ALDH3A1: variants seen among roughly 807,000 people sequenced by gnomAD.
ALDH3A1 encodes the protein aldehyde dehydrogenase 3 family member A1.
In ALDH3A1, 46 loss-of-function variants were observed where a neutral mutation model predicts 49.9. The observed-to-expected ratio is 0.92, with a 90% confidence interval of 0.73 to 1.18. The LOEUF (loss-of-function observed/expected upper bound fraction) is 1.18. Ranked by LOEUF, ALDH3A1 falls within the 50% of genes most tolerant of loss-of-function variation. The probability of loss-of-function intolerance (pLI) is 0.00; values close to 1 mark genes in which losing one functional copy is unlikely to be tolerated. For synonymous variants in ALDH3A1, 269 were observed against 253.3 expected, an observed-to-expected ratio of 1.06 and a Z score of -0.59; for missense variants, 592 against 611.8, an observed-to-expected ratio of 0.97 and a Z score of 0.34.
chr17:19,742,815 G>T, intron 3 of ALDH3A1, 185 bp from the exon 4 acceptor site: 2 of 1,534,544 alleles, frequency 1.3e-6, no homozygotes, highest in Non-Finnish European at 1.7e-6. Flanking sequence ...ATGACAGAGG[G>T]ACACACACGG....
chr17:19,743,302 G>A lies in ALDH3A1; in HGVS notation c.324C>T (p.Val108=). The A allele has an allele frequency of 6.2e-7, 1 of 1,614,154 alleles. No individual in the cohort carries two copies. The highest frequency in any genetic ancestry group is 8.5e-7 in the Non-Finnish European group (1 of 1,180,028). Residue 108 remains valine (V), a synonymous_variant, in exon 3 of 11, where the codon GTC becomes GTT. Transcript: ENST00000225740. The surrounding 1 kb of genome is among the most constrained non-coding windows in gnomAD (Gnocchi z 4.4). ...LYIHSEPLGV[V]LVIGTWNYPF... Reference sequence around the variant, plus strand: ...GGTAGTTCCAGGTGCCAATGACGAGGACCACGCCCAGTGGCTCCGAGTGGA... The same window carrying A: ...GGTAGTTCCAGGTGCCAATGACGAGAACCACGCCCAGTGGCTCCGAGTGGA...
Position 19,738,132 on chromosome 17 carries a change from G to A in ALDH3A1, c.*89C>T, listed in dbSNP as rs759276441. 2 of 1,607,614 alleles carry A rather than the reference G, an allele frequency of 1.2e-6. No homozygotes were observed. The highest frequency in any genetic ancestry group is 1.1e-5 in the South Asian group (1 of 90,976). ...GTGGGGCTGGGCTGGGGCTGCAGGAGCGATTCTCCCAGGGCCAGGAGAGCC... is the reference window on the plus strand; with the variant it reads ...GTGGGGCTGGGCTGGGGCTGCAGGAACGATTCTCCCAGGGCCAGGAGAGCC... On this transcript the variant is annotated 3_prime_UTR_variant, in exon 11 of 11. Transcript: ENST00000225740.
In ALDH3A1 at chr17:19,739,638, G is replaced by A. The variant is rs764176145; in HGVS notation, c.986C>T (p.Pro329Leu). ...CCCGAAGATCTCCTCTTGCATCACCGGGGACTGGGGGTCCACGTCCGTGAG... is the reference window on the plus strand; with the variant it reads ...CCCGAAGATCTCCTCTTGCATCACCAGGGACTGGGGGTCCACGTCCGTGAG... ...TILTDVDPQS[P>L]VMQEEIFGPV... Residue 329 changes from proline (P) to leucine (L), a missense_variant, in exon 8 of 11, where the codon CCG (proline) becomes CTG (leucine). By Grantham distance (98) the Pro-to-Leu change is moderately conservative. Transcript: ENST00000225740. 21 of 1,613,742 alleles carry A rather than the reference G, an allele frequency of 1.3e-5. No homozygotes were observed. Among genetic ancestry groups the A allele is most frequent in the South Asian group, 4.4e-5 (4 of 91,004 alleles).
At chr17:19,738,711 G>A (rs1171141592) in intron 9 of ALDH3A1, among the ~76,000 whole-genome samples, 1 of 152,172 alleles carries the variant, frequency 6.6e-6, no homozygotes, top group Non-Finnish European at 1.5e-5. Context: ...CCCAGCAAGG[G>A]TCTAATCCCA....
chr17:19,740,839 C>G (rs1282657337), intron 6 of ALDH3A1, among the ~76,000 whole-genome samples: 3 of 152,074 alleles, frequency 2.0e-5, no homozygotes, highest in Non-Finnish European at 4.4e-5. Flanking sequence ...AATTTAAAAA[C>G]ATATTTTGTA....
Position 19,745,082 on chromosome 17 carries a change from G to A in ALDH3A1, c.48C>T (p.Ser16=). The change falls in exon 2 of 11, where the codon AGC becomes AGT. Residue 16 remains serine (S), a synonymous_variant. Coordinates refer to ENST00000225740, the MANE Select transcript of ALDH3A1 (RefSeq NM_000691.5). ...EAVKRARAAF[S]SGRTRPLQFR... is the part of the protein sequence containing the mutation. ...ACTGCAGCGGACGGGTCCTGCCCGAGCTGAAGGCGGCGCGGGCGCGCTTCA... is the reference window on the plus strand; with the variant it reads ...ACTGCAGCGGACGGGTCCTGCCCGAACTGAAGGCGGCGCGGGCGCGCTTCA... 1 of 1,592,738 alleles carries A rather than the reference G, an allele frequency of 6.3e-7. No individual in the cohort carries two copies. The highest frequency in any genetic ancestry group is 8.5e-7 in the Non-Finnish European group (1 of 1,175,768).
In ALDH3A1 at chr17:19,738,434, G is replaced by C; in HGVS notation, c.1236C>G (p.Ser412=). 1 of 1,613,318 alleles carries C rather than the reference G, an allele frequency of 6.2e-7. No homozygotes were observed. Among genetic ancestry groups the C allele is most frequent in the Non-Finnish European group, 8.5e-7 (1 of 1,179,520 alleles). Residue 412 remains serine (S), a synonymous_variant, in exon 10 of 11, where the codon TCC becomes TCG. Transcript: ENST00000225740. ...FGGVGNSGMG[S]YHGKKSFETF... ...TCTCGAAGCTCTTCTTGCCATGGTAGGATCCCATGCCGCTGTTCCCTGCGG... is the reference window on the plus strand; with the variant it reads ...TCTCGAAGCTCTTCTTGCCATGGTACGATCCCATGCCGCTGTTCCCTGCGG...
chr17:19,741,772 C>T (rs2086496648), intron 5 of ALDH3A1, among the ~76,000 whole-genome samples: 3 of 152,124 alleles, frequency 2.0e-5, no homozygotes, highest in Admixed American at 2.0e-4. Context: ...ACTCAGCAAA[C>T]AGAGCTCAGC....
Position 19,743,889 on chromosome 17 carries a change from T to C in ALDH3A1, c.163-426A>G. ...GCAGGGTGGAGGGAGCCAGGCCCTT[T>C]AGTTGTCTGGAGGGGGATGCAGGAC... On this transcript the variant is annotated intron_variant, in intron 2 of 10. Coordinates refer to ENST00000225740, the MANE Select transcript of ALDH3A1 (RefSeq NM_000691.5). The surrounding 1 kb of genome is among the most constrained non-coding windows in gnomAD (Gnocchi z 4.4). 2 of 984,402 alleles carry C rather than the reference T, an allele frequency of 2.0e-6. No homozygotes were observed. The highest frequency in any genetic ancestry group is 1.2e-6 in the Non-Finnish European group (1 of 829,646). 61.0% of individuals were successfully genotyped at this position (984,402 alleles called of 1,614,324 possible).
intron 1 of ALDH3A1, among the ~76,000 whole-genome samples, chr17:19,746,706 TGTGCATGTGC>T (rs1406390721): frequency 1.3e-5 from 2 of 149,310 alleles, no homozygotes; most frequent in Non-Finnish European, 3.0e-5. Context: ...CGTGCGTGTG[TGTGCATGTGC>T]GTGTGTGTGC....
intron 2 of ALDH3A1, 144 bp downstream of exon 2, chr17:19,744,824 G>A: frequency 1.5e-6 from 2 of 1,349,440 alleles, no homozygotes; most frequent in Non-Finnish European, 1.9e-6. Context: ...GGGGAGGGCG[G>A]TGCGCCCAGT....
In ALDH3A1 at chr17:19,740,468, C is replaced by T. The variant is rs776938032; in HGVS notation, c.817G>A (p.Gly273Arg). 14 of 1,613,886 alleles carry T rather than the reference C, an allele frequency of 8.7e-6. No homozygotes were observed. Among genetic ancestry groups the T allele is most frequent in the Admixed American group, 1.7e-5 (1 of 60,000 alleles). ...TCCCGGGATTTCTTAGCATCTTCCC[C>T]GTAGAACTCCTGTGGAGAAGAGGTG... ...KLKKSLKEFY[G>R]EDAKKSRDYG... Residue 273 changes from glycine (G) to arginine (R), a missense_variant, in exon 7 of 11, where the codon GGG (glycine) becomes AGG (arginine). Transcript: ENST00000225740.
In ALDH3A1 at chr17:19,745,065, G is replaced by A. The variant is rs1411836670; in HGVS notation, c.65C>T (p.Pro22Leu). Reference protein sequence around the residue: ...RAAFSSGRTRPLQFRIQQLEA... With the variant: ...RAAFSSGRTRLLQFRIQQLEA... ...CAGCTGCTGGATCCGGAACTGCAGC[G>A]GACGGGTCCTGCCCGAGCTGAAGGC... The change falls in exon 2 of 11, where the codon CCG becomes CTG. Residue 22 changes from proline to leucine, a missense_variant. Coordinates refer to ENST00000225740, the MANE Select transcript of ALDH3A1 (RefSeq NM_000691.5). 1 of 1,597,966 alleles carries A rather than the reference G, an allele frequency of 6.3e-7. No homozygotes were observed. Among genetic ancestry groups the A allele is most frequent in the Admixed American group, 1.7e-5 (1 of 59,914 alleles).
At chr17:19,744,822 C>T (rs987818092) in intron 2 of ALDH3A1, 146 bp downstream of exon 2, 4 of 1,354,364 alleles carry the variant, frequency 3.0e-6, no homozygotes, top group Admixed American at 7.4e-5. Flanking sequence ...GAGGGGAGGG[C>T]GGTGCGCCCA....
chr17:19,744,517 C>T (rs1332172127), intron 2 of ALDH3A1: 2 of 985,470 alleles, frequency 2.0e-6, no homozygotes, highest in East Asian at 2.3e-4. Flanking sequence ...CAGCAGGGGG[C>T]TGCGAATGCA....
Position 19,743,146 on chromosome 17 carries a change from C to G in ALDH3A1, c.394+86G>C. On this transcript the variant is annotated intron_variant, in intron 3 of 10. Transcript: ENST00000225740. The surrounding 1 kb of genome is among the most constrained non-coding windows in gnomAD (Gnocchi z 4.4). The stretch of plus-strand genomic sequence containing the variant: ...CAAACCCTTATCTGACCCCAGGACT[C>G]TTAACACAGGCCTGAGCCCATCCTG... The G allele has an allele frequency of 6.4e-7, 1 of 1,571,010 alleles. No homozygotes were observed. Among genetic ancestry groups the G allele is most frequent in the African/African-American group, 1.4e-5 (1 of 74,072 alleles).
chr17:19,745,043 C>A lies in ALDH3A1; in HGVS notation c.87G>T (p.Gln29His). The A allele has an allele frequency of 6.3e-7, 1 of 1,597,430 alleles. No homozygotes were observed. Among genetic ancestry groups the A allele is most frequent in the South Asian group, 1.1e-5 (1 of 90,814 alleles). ...RTRPLQFRIQ[Q>H]LEALQRLIQE... is the part of the protein sequence containing the mutation. ...GGATCAGGCGCTGCAGCGCCTCCAG[C>A]TGCTGGATCCGGAACTGCAGCGGAC... The change falls in exon 2 of 11, where the codon CAG (glutamine) becomes CAT (histidine). Residue 29 changes from glutamine to histidine, a missense_variant. Coordinates refer to ENST00000225740, the MANE Select transcript of ALDH3A1 (RefSeq NM_000691.5).
Position 19,743,590 on chromosome 17 carries a change from C to T in ALDH3A1, c.163-127G>A. On this transcript the variant is annotated intron_variant, in intron 2 of 10. Transcript: ENST00000225740. This position sits in a 1 kb window ranked among gnomAD's most constrained non-coding sequence, Gnocchi z 4.4. ...CTCACCCAGCCCAGGGTGGGGGCAG[C>T]CGCAGAAGGCTCCCAGGGGAAGCAG... The T allele has an allele frequency of 1.4e-6, 2 of 1,458,986 alleles. No individual in the cohort carries two copies. The highest frequency in any genetic ancestry group is 2.7e-5 in the Admixed American group (1 of 36,764). The allele number at this position is 1,458,986 out of a possible 1,614,324, so 90.4% of individuals were successfully genotyped here. A position where few individuals can be genotyped will look rare whatever the true frequency, so the allele number is the denominator to read the frequency against.
At chr17:19,741,247 T>C (rs1479238999) in intron 5 of ALDH3A1, 37 bp from the exon 6 acceptor site, 2 of 1,581,980 alleles carry the variant, frequency 1.3e-6, no homozygotes, top group East Asian at 4.5e-5. Context: ...TCCAAAAGGT[T>C]CCCCAGGAGT....
Sources: gnomAD v4.1 joint callset for allele counts (sites outside exome capture counted in the v4.1 genomes callset) on GRCh38, gnomAD v4.1.1 for gene constraint, Gnocchi (gnomAD v3.1) non-coding constraint, MANE v1.5 for transcripts, NCBI Gene and HGNC (gene_info 2026-07-23, HGNC 2026-07-21) for gene names.